The following SLC71A1 variants were observed in gnomAD, a reference collection of about 807,000 sequenced individuals.
SLC71A1 encodes the protein solute carrier family 71 member 1.
the SLC71A1 span, among the ~76,000 whole-genome samples, chr1:100,057,357 CTTTTTTTTTTT>C: frequency 8.2e-6 from 1 of 122,564 alleles, no homozygotes; most frequent in Admixed American, 8.1e-5. Flanking sequence ...CTTTTTCTTT[CTTTTTTTTTTT>C]TTTTAAGACA....
the SLC71A1 span, among the ~76,000 whole-genome samples, chr1:100,043,851 C>T: frequency 2.6e-5 from 4 of 152,322 alleles, no homozygotes; most frequent in African/African-American, 9.6e-5. Flanking sequence ...ATAATGGCCT[C>T]CAATTCCATC....
At chr1:100,045,962 G>A in the SLC71A1 span, among the ~76,000 whole-genome samples, 1 of 152,032 alleles carries the variant, frequency 6.6e-6, no homozygotes, top group Admixed American at 6.6e-5. Flanking sequence ...AGAGGTAGGG[G>A]TATAATTTTA....
the SLC71A1 span, among the ~76,000 whole-genome samples, chr1:100,059,517 TTA>T: frequency 1.3e-5 from 2 of 150,992 alleles, no homozygotes; most frequent in Admixed American, 6.6e-5. Flanking sequence ...TTAGCCTGTT[TTA>T]TATATATATA....
the SLC71A1 span, among the ~76,000 whole-genome samples, chr1:100,056,659 T>C: frequency 6.6e-6 from 1 of 152,246 alleles, no homozygotes; most frequent in Non-Finnish European, 1.5e-5. Flanking sequence ...GGAGTACAGC[T>C]ATCTCTTCAA....
the SLC71A1 span, chr1:100,077,070 T>C: frequency 7.9e-6 from 5 of 631,734 alleles, no homozygotes; most frequent in Non-Finnish European, 1.1e-5. Context: ...ATCAGCCAAA[T>C]TGTAGAAAAG....
the SLC71A1 span, among the ~76,000 whole-genome samples, chr1:100,042,392 C>T: frequency 2.0e-5 from 3 of 151,824 alleles, no homozygotes; most frequent in African/African-American, 4.8e-5. Flanking sequence ...TTTTTCTTGG[C>T]ATCCCTGATT....
chr1:100,064,135 A>G, the SLC71A1 span, among the ~76,000 whole-genome samples: 6 of 151,928 alleles, frequency 3.9e-5, no homozygotes, highest in African/African-American at 7.3e-5. Context: ...ATGTGTGTGT[A>G]TATATATATA....
chr1:100,046,230 T>TTG, the SLC71A1 span, among the ~76,000 whole-genome samples: 1 of 113,944 alleles, frequency 8.8e-6, no homozygotes, highest in Non-Finnish European at 1.8e-5. Context: ...TTTTTTTTTT[T>TTG]TTTTTTTTTT....
At chr1:100,051,588 A>G in the SLC71A1 span, among the ~76,000 whole-genome samples, 1 of 152,138 alleles carries the variant, frequency 6.6e-6, no homozygotes, top group Non-Finnish European at 1.5e-5. Flanking sequence ...TGATTATGAC[A>G]TTCATAACTT....
the SLC71A1 span, among the ~76,000 whole-genome samples, chr1:100,038,551 C>T: frequency 6.6e-6 from 1 of 152,216 alleles, no homozygotes; most frequent in South Asian, 2.1e-4. Context: ...CACCTGCCGC[C>T]CTCTGCTCTG....
the SLC71A1 span, among the ~76,000 whole-genome samples, chr1:100,052,633 T>C: frequency 0.012 from 1,776 of 151,484 alleles, 41 homozygotes; most frequent in African/African-American, 0.041. Context: ...GGTTTCACCA[T>C]GTTGACCAGA....
the SLC71A1 span, among the ~76,000 whole-genome samples, chr1:100,071,273 A>G: frequency 7.0e-6 from 1 of 143,266 alleles, no homozygotes; most frequent in East Asian, 2.1e-4. Context: ...GCAACTTGGC[A>G]AAACCCCATC....
chr1:100,082,771 G>C, the SLC71A1 span: 280 of 152,250 alleles, frequency 1.8e-3, no homozygotes, highest in Non-Finnish European at 3.0e-3. Context: ...ATCATGTTTT[G>C]AGCTTGTTTG....
chr1:100,074,087 TAC>T, the SLC71A1 span, among the ~76,000 whole-genome samples: 1 of 152,198 alleles, frequency 6.6e-6, no homozygotes, highest in African/African-American at 2.4e-5. Flanking sequence ...TGTTCCCAGT[TAC>T]AGTGTTGTAA....
chr1:100,057,625 A>C, the SLC71A1 span, among the ~76,000 whole-genome samples: 1 of 152,062 alleles, frequency 6.6e-6, no homozygotes. Flanking sequence ...AAGTGTTGGG[A>C]TTACAGGTGT....
chr1:100,038,193 G>GGGAGTGGCTGCA, the SLC71A1 span: 1 of 1,520,862 alleles, frequency 6.6e-7, no homozygotes, highest in East Asian at 2.5e-5. Context: ...CTGCCGCCCC[G>GGGAGTGGCTGCA]GGAGTGGCTG....
At chr1:100,071,743 T>C in the SLC71A1 span, among the ~76,000 whole-genome samples, 1 of 152,222 alleles carries the variant, frequency 6.6e-6, no homozygotes, top group African/African-American at 2.4e-5. Flanking sequence ...CTAATAAATG[T>C]AGTCAGTGAC....
chr1:100,083,171 T>C, the SLC71A1 span: 4 of 152,540 alleles, frequency 2.6e-5, no homozygotes, highest in Admixed American at 2.6e-4. Flanking sequence ...TATATTTTTG[T>C]GTCCAGTTAT....
the SLC71A1 span, among the ~76,000 whole-genome samples, chr1:100,045,653 A>T: frequency 6.6e-6 from 1 of 152,202 alleles, no homozygotes; most frequent in Non-Finnish European, 1.5e-5. Flanking sequence ...GGTATCCATT[A>T]CCTCAAACTT....
Sources: allele counts gnomAD v4.1 joint callset (sites outside exome capture counted in the v4.1 genomes callset), GRCh38; gene constraint gnomAD v4.1.1; transcripts MANE v1.5; gene names NCBI Gene and HGNC (gene_info 2026-07-23, HGNC 2026-07-21).